Variants in RAPGEF5 observed in about 807,000 individuals in gnomAD.
RAPGEF5 encodes Rap guanine nucleotide exchange factor 5.
RAPGEF5 carries 65 observed loss-of-function variants against 125.2 expected under a neutral mutation model. That is an observed-to-expected ratio of 0.52 (90% confidence interval 0.43 to 0.64). The LOEUF is 0.64. Among genes scored for constraint, RAPGEF5 ranks in the 30% least tolerant of loss-of-function variants. The pLI is 0.00. For synonymous variants in RAPGEF5, 391 were observed against 385.9 expected, an observed-to-expected ratio of 1.01 and a Z score of -0.16; for missense variants, 958 against 1,048.1, an observed-to-expected ratio of 0.91 and a Z score of 1.19.
At chr7:22,282,884 T>C (rs1264421361) in intron 6 of RAPGEF5, among the ~76,000 whole-genome samples, 3 of 152,228 alleles carry the variant, frequency 2.0e-5, no homozygotes, top group Non-Finnish European at 2.9e-5. Context: ...ATGTTCAAAA[T>C]AGAAGAAAAT....
At chr7:22,242,884 T>C (rs1254183568) in intron 7 of RAPGEF5, among the ~76,000 whole-genome samples, 1 of 148,910 alleles carries the variant, frequency 6.7e-6, no homozygotes. Context: ...GAGGCAGAGG[T>C]TGCGGTGAGC....
intron 6 of RAPGEF5, 94 bp downstream of exon 6, chr7:22,291,081 A>G (rs2302001): frequency 0.23 from 312,828 of 1,357,004 alleles, 39,835 homozygotes; most frequent in East Asian, 0.55. Flanking sequence ...CACAGGGAAA[A>G]TGTCTCTCTA....
At chr7:22,200,296 G>GA (rs958281770) in intron 9 of RAPGEF5, among the ~76,000 whole-genome samples, 33 of 150,610 alleles carry the variant, frequency 2.2e-4, no homozygotes, top group Admixed American at 1.9e-3. Flanking sequence ...TTTTTCTCAT[G>GA]AAAAAAAAAG....
chr7:22,212,289 C>T (rs568742507), intron 9 of RAPGEF5, among the ~76,000 whole-genome samples: 2 of 152,232 alleles, frequency 1.3e-5, no homozygotes, highest in African/African-American at 4.8e-5. Flanking sequence ...GTGTTCTTTC[C>T]TCTGCCTGGA....
chr7:22,352,497 C>T (rs1255838606), intron 1 of RAPGEF5, among the ~76,000 whole-genome samples: 1 of 151,996 alleles, frequency 6.6e-6, no homozygotes, highest in Non-Finnish European at 1.5e-5. Flanking sequence ...GGACAAGATG[C>T]ACTTAGAATA....
intron 5 of RAPGEF5, among the ~76,000 whole-genome samples, chr7:22,302,378 C>T (rs373342156): frequency 6.6e-6 from 1 of 152,144 alleles, no homozygotes; most frequent in African/African-American, 2.4e-5. Context: ...GCAATGCCAA[C>T]AGACATCTAG....
intron 9 of RAPGEF5, among the ~76,000 whole-genome samples, chr7:22,212,010 A>G (rs571693705): frequency 9.7e-4 from 128 of 132,388 alleles, no homozygotes; most frequent in Admixed American, 3.1e-3. Flanking sequence ...ACTGTTGCCC[A>G]GGCTGGAATG....
chr7:22,200,590 A>G (rs1385770928), intron 9 of RAPGEF5, among the ~76,000 whole-genome samples: 1 of 152,240 alleles, frequency 6.6e-6, no homozygotes, highest in African/African-American at 2.4e-5. Context: ...CATCATTTAT[A>G]AAATCTAGGT....
chr7:22,122,667 C>T (rs754225135), intron 25 of RAPGEF5, 146 bp from the exon 26 acceptor site: 4 of 613,098 alleles, frequency 6.5e-6, no homozygotes, highest in Non-Finnish European at 1.2e-5. Context: ...CCTTGTCCTA[C>T]AGTAGAAATG....
intron 8 of RAPGEF5, 77 bp downstream of exon 8, chr7:22,230,769 T>C: frequency 7.5e-7 from 1 of 1,326,858 alleles, no homozygotes; most frequent in Non-Finnish European, 1.0e-6. Flanking sequence ...ACCTATATCA[T>C]TTTTTAACAC....
rs1782491258 is a variant in RAPGEF5, at chr7:22,118,972, T to C, written c.*3434A>G. On this transcript the variant is annotated 3_prime_UTR_variant, in exon 26 of 26. Transcript: ENST00000665637. ...GGCTGAAATTTTAAGGACATGTTTT[T>C]GAAACATTTAAAAGAAATCCTGTGT... The C allele has an allele frequency of 6.6e-6, 1 of 150,880 alleles. No homozygotes were observed. The highest frequency in any genetic ancestry group is 6.6e-5 in the Admixed American group (1 of 15,086). 9.3% of individuals were successfully genotyped at this position (150,880 alleles called of 1,614,324 possible).
intron 9 of RAPGEF5, among the ~76,000 whole-genome samples, chr7:22,197,859 G>A (rs1785182928): frequency 7.0e-6 from 1 of 142,112 alleles, no homozygotes; most frequent in African/African-American, 2.6e-5. Context: ...GAGGTTTAGA[G>A]AGCAACACAT....
At chr7:22,355,561 G>A (rs1041719724) in intron 1 of RAPGEF5, among the ~76,000 whole-genome samples, 2 of 152,144 alleles carry the variant, frequency 1.3e-5, no homozygotes, top group Non-Finnish European at 1.5e-5. Flanking sequence ...CACATGTTAA[G>A]GTCACTTGTG....
At chr7:22,157,818 G>C in intron 15 of RAPGEF5, 37 bp downstream of exon 15, 2 of 1,591,198 alleles carry the variant, frequency 1.3e-6, no homozygotes, top group Non-Finnish European at 1.7e-6. Context: ...TCTCCAAACC[G>C]GATCACCTAA....
At chr7:22,172,103 A>G (rs2128117644) in intron 11 of RAPGEF5, among the ~76,000 whole-genome samples, 1 of 152,180 alleles carries the variant, frequency 6.6e-6, no homozygotes, top group East Asian at 1.9e-4. Context: ...ACTTTTCCCT[A>G]TCATCTGCTA....
At chr7:22,223,731 G>A (rs1443426530) in intron 8 of RAPGEF5, among the ~76,000 whole-genome samples, 2 of 152,124 alleles carry the variant, frequency 1.3e-5, no homozygotes, top group Admixed American at 6.5e-5. Flanking sequence ...GGGTAAATAT[G>A]CAGGTACGTT....
chr7:22,161,211 AAAAT>A (rs1030987375), intron 13 of RAPGEF5, among the ~76,000 whole-genome samples: 2 of 152,226 alleles, frequency 1.3e-5, no homozygotes, highest in Admixed American at 1.3e-4. Flanking sequence ...TCCGTCTCAA[AAAAT>A]AAATAAATAA....
At chr7:22,309,873 CCA>C in intron 4 of RAPGEF5, 94 bp downstream of exon 4, 1 of 1,299,748 alleles carries the variant, frequency 7.7e-7, no homozygotes, top group Non-Finnish European at 1.0e-6. Flanking sequence ...AAAATAATTT[CCA>C]TCCAGACTGT....
At chr7:22,220,934 C>T (rs1023434092) in intron 8 of RAPGEF5, among the ~76,000 whole-genome samples, 3 of 152,066 alleles carry the variant, frequency 2.0e-5, no homozygotes, top group East Asian at 1.9e-4. Context: ...GCAAAGGGGC[C>T]GGCAAAGAAT....
Sources: gnomAD v4.1 joint callset for allele counts (sites outside exome capture counted in the v4.1 genomes callset) on GRCh38, gnomAD v4.1.1 for gene constraint, MANE v1.5 for transcripts, NCBI Gene and HGNC (gene_info 2026-07-23, HGNC 2026-07-21) for gene names.